Variants in EBF2 observed in about 807,000 individuals in gnomAD.
EBF2 encodes EBF transcription factor 2.
In EBF2, 21 loss-of-function variants were observed where a neutral mutation model predicts 72.8. The ratio of observed to expected loss-of-function variants is 0.29; its 90% CI spans 0.20 to 0.42. The LOEUF (loss-of-function observed/expected upper bound fraction) is 0.42. Among genes scored for constraint, EBF2 ranks in the 10% least tolerant of loss-of-function variants. The pLI is 1.00. For synonymous variants in EBF2, 299 were observed against 274.2 expected (o/e 1.09, Z -0.89); for missense variants, 637 against 731.2 (o/e 0.87, Z 1.49).
At chr8:25,864,405 T>G (rs903835146) in intron 10 of EBF2, among the ~76,000 whole-genome samples, 1 of 152,148 alleles carries the variant, frequency 6.6e-6, no homozygotes, top group Non-Finnish European at 1.5e-5. Flanking sequence ...TTTTTAATAC[T>G]GTGGTATCAT....
intron 6 of EBF2, among the ~76,000 whole-genome samples, chr8:25,927,959 G>A (rs549259831): frequency 7.9e-5 from 12 of 152,064 alleles, no homozygotes; most frequent in Non-Finnish European, 1.6e-4. Flanking sequence ...AGCCCAGAAT[G>A]TATTTACTCC....
intron 6 of EBF2, among the ~76,000 whole-genome samples, chr8:26,002,932 AGGCAGGCAGGCGGGCG>A (rs1563204773): frequency 3.5e-4 from 7 of 19,820 alleles, no homozygotes; most frequent in Non-Finnish European, 1.0e-3. Flanking sequence ...GCGGGCAGGC[AGGCAGGCAGGCGGGCG>A]GGCAGGCAGG....
chr8:25,915,543 C>A (rs371628561), intron 6 of EBF2, among the ~76,000 whole-genome samples: 213 of 140,150 alleles, frequency 1.5e-3, no homozygotes, highest in African/African-American at 5.1e-3. Flanking sequence ...ATTCAGAAAA[C>A]AAAACTTCTC....
chr8:25,955,220 G>A (rs1004877835), intron 6 of EBF2, among the ~76,000 whole-genome samples: 1 of 152,230 alleles, frequency 6.6e-6, no homozygotes, highest in Non-Finnish European at 1.5e-5. Context: ...CTCCAAAGGT[G>A]CTGGGAGTTG....
At chr8:25,986,017 A>AAAAAAAAAAAAAAAAAAAAC (rs1804448086) in intron 6 of EBF2, among the ~76,000 whole-genome samples, 1 of 149,566 alleles carries the variant, frequency 6.7e-6, no homozygotes, top group Non-Finnish European at 1.5e-5. Flanking sequence ...AAAAAAAAAA[A>AAAAAAAAAAAAAAAAAAAAC]AAAAAAAAGT....
intron 6 of EBF2, among the ~76,000 whole-genome samples, chr8:25,915,977 G>A (rs1397353472): frequency 6.6e-6 from 1 of 152,048 alleles, no homozygotes; most frequent in African/African-American, 2.4e-5. Context: ...AAAAATTAGG[G>A]ACTTTCAGTA....
At chr8:25,949,295 C>T (rs1337427791) in intron 6 of EBF2, among the ~76,000 whole-genome samples, 3 of 152,206 alleles carry the variant, frequency 2.0e-5, no homozygotes, top group South Asian at 2.1e-4. Context: ...GTAACTGCTA[C>T]GTCATGCTGT....
intron 14 of EBF2, among the ~76,000 whole-genome samples, chr8:25,856,684 G>T (rs1405377221): frequency 6.6e-6 from 1 of 152,196 alleles, no homozygotes; most frequent in Non-Finnish European, 1.5e-5. Flanking sequence ...GGTTGTTAAA[G>T]ATGTGGTCTC....
At position 26,040,649 on chromosome 8, in the gene EBF2, G is replaced by C. The variant is rs1390470723; in HGVS notation, c.375C>G (p.Leu125=). The C allele has an allele frequency of 1.9e-6, 3 of 1,555,602 alleles. No homozygotes were observed. The highest frequency in any genetic ancestry group is 2.6e-6 in the Non-Finnish European group (3 of 1,149,100). ...YSNGVRTEQD[L]YVRLIDSVTK... ...TGACCGAGTCGATGAGCCTGACATAGAGGTCCTGTTCCGTGCGGACACCTG... is the reference window on the plus strand; with the variant it reads ...TGACCGAGTCGATGAGCCTGACATACAGGTCCTGTTCCGTGCGGACACCTG... The change falls in exon 4 of 16, where the codon CTC becomes CTG. Residue 125 remains leucine (L), a synonymous_variant. Transcript: ENST00000520164.
intron 6 of EBF2, among the ~76,000 whole-genome samples, chr8:25,956,529 G>T (rs946393815): frequency 6.6e-6 from 1 of 152,140 alleles, no homozygotes; most frequent in Admixed American, 6.5e-5. Flanking sequence ...CATCTCAATA[G>T]TGTACCTTGT....
intron 10 of EBF2, among the ~76,000 whole-genome samples, chr8:25,867,543 C>T (rs1034626521): frequency 1.3e-5 from 2 of 152,224 alleles, no homozygotes; most frequent in South Asian, 2.1e-4. Flanking sequence ...GCGGACTGTT[C>T]TTTCTCTGCC....
chr8:25,892,120 T>C (rs1178153645), intron 7 of EBF2, among the ~76,000 whole-genome samples: 1 of 152,182 alleles, frequency 6.6e-6, no homozygotes, highest in Non-Finnish European at 1.5e-5. Flanking sequence ...AACCCTATAT[T>C]ATGCTTTTTC....
chr8:25,847,152 C>T (rs1304948464), intron 15 of EBF2, among the ~76,000 whole-genome samples: 2 of 152,136 alleles, frequency 1.3e-5, no homozygotes. Flanking sequence ...TCTTAAGGCA[C>T]TCAGTTCGGC....
chr8:26,036,787 A>G (rs1805508071), intron 5 of EBF2, among the ~76,000 whole-genome samples: 3 of 152,144 alleles, frequency 2.0e-5, no homozygotes, highest in Admixed American at 6.5e-5. Context: ...TGAGTGACCA[A>G]CTTCAGGTTC....
intron 2 of EBF2, 30 bp downstream of exon 2, chr8:26,042,065 C>T (rs1382586505): frequency 6.2e-7 from 1 of 1,605,804 alleles, no homozygotes; most frequent in South Asian, 1.1e-5. Context: ...GTTATTAGGC[C>T]GCGGGGTTTG....
rs775802221 is a variant in EBF2 at position 25,889,832 on chromosome 8, A to G, written c.671T>C (p.Val224Ala). ...AAACATGTTGTCAGAAACAGCCAGG[A>G]CGTGTCCATCCACATTCACCGTTGT... ...LSTTVNVDGH[V>A]LAVSDNMFVH... The change falls in exon 8 of 16, where the codon GTC (valine) becomes GCC (alanine). Residue 224 changes from valine (V) to alanine (A), a missense_variant. By Grantham distance (64) the Val-to-Ala change is moderately conservative. Around this residue, in one of 3 missense-constraint regions of EBF2, gnomAD observed 204 missense variants for 301.2 expected, o/e 0.68. Coordinates refer to ENST00000520164, the MANE Select transcript of EBF2 (RefSeq NM_022659.4). The G allele has an allele frequency of 1.2e-6, 2 of 1,614,002 alleles. No homozygotes were observed. Among genetic ancestry groups the G allele is most frequent in the Middle Eastern group, 1.7e-4 (1 of 6,058 alleles).
At chr8:26,005,795 C>T (rs952603596) in intron 6 of EBF2, among the ~76,000 whole-genome samples, 3 of 144,378 alleles carry the variant, frequency 2.1e-5, no homozygotes, top group African/African-American at 7.8e-5. Context: ...CGCACCACTG[C>T]ACTCCAGCAT....
At chr8:25,908,241 C>A (rs1291415133) in intron 7 of EBF2, among the ~76,000 whole-genome samples, 8 of 152,128 alleles carry the variant, frequency 5.3e-5, no homozygotes, top group African/African-American at 1.2e-4. Context: ...TCTCCAGCAC[C>A]GGTTGGTGCC....
At chr8:25,972,345 C>T (rs1191274932) in intron 6 of EBF2, among the ~76,000 whole-genome samples, 5 of 152,216 alleles carry the variant, frequency 3.3e-5, no homozygotes, top group South Asian at 4.2e-4. Context: ...GAAGAGCTGC[C>T]TCAGACTTCC....
Sources: allele counts gnomAD v4.1 joint callset (sites outside exome capture counted in the v4.1 genomes callset), GRCh38; gene constraint gnomAD v4.1.1; regional missense constraint gnomAD v4.1.1; transcripts MANE v1.5; gene names NCBI Gene and HGNC (gene_info 2026-07-23, HGNC 2026-07-21).